Variants in CACNA2D3 observed in about 807,000 individuals in gnomAD.
The protein encoded by CACNA2D3 is voltage-dependent calcium channel subunit alpha-2/delta-3.
A neutral mutation model predicts 160.6 loss-of-function variants in CACNA2D3; 60 were observed. The ratio of observed to expected loss-of-function variants is 0.37; its 90% confidence interval spans 0.30 to 0.46. The LOEUF is 0.46. CACNA2D3 is among the 20% of genes least tolerant of loss of function. The probability of loss-of-function intolerance (pLI) is 1.00; values close to 1 mark genes in which losing one functional copy is unlikely to be tolerated. For synonymous variants in CACNA2D3, 558 were observed against 492.9 expected, an observed-to-expected ratio of 1.13 and a Z score of -1.75; for missense variants, 1,205 against 1,365.0, an observed-to-expected ratio of 0.88 and a Z score of 1.85.
At chr3:54,393,945 A>C (rs962856970) in intron 4 of CACNA2D3, among the ~76,000 whole-genome samples, 3 of 152,168 alleles carry the variant, frequency 2.0e-5, no homozygotes, top group African/African-American at 7.2e-5. Context: ...AGCAGCAGCT[A>C]GGCTTTGCCA....
intron 17 of CACNA2D3, among the ~76,000 whole-genome samples, chr3:54,867,556 G>C (rs1482747553): frequency 6.8e-6 from 1 of 147,018 alleles, no homozygotes; most frequent in Non-Finnish European, 1.5e-5. Flanking sequence ...CTTTAAAAGG[G>C]AAGGGGGATA....
intron 2 of CACNA2D3, among the ~76,000 whole-genome samples, chr3:54,149,674 G>A (rs916257385): frequency 3.9e-5 from 6 of 152,090 alleles, no homozygotes; most frequent in Admixed American, 2.0e-4. Flanking sequence ...AGCCAAACAA[G>A]GAACACATGA....
At chr3:54,632,500 A>T (rs1699263068) in intron 10 of CACNA2D3, 1 of 152,214 alleles carries the variant, frequency 6.6e-6, no homozygotes, top group African/African-American at 2.4e-5. Flanking sequence ...TCTCCAGAAC[A>T]ACCTGTTGAG....
intron 4 of CACNA2D3, among the ~76,000 whole-genome samples, chr3:54,389,823 A>G (rs1025569785): frequency 2.6e-5 from 4 of 152,232 alleles, no homozygotes; most frequent in East Asian, 1.9e-4. Flanking sequence ...ACACATGACT[A>G]CTACATGCAA....
intron 2 of CACNA2D3, among the ~76,000 whole-genome samples, chr3:54,312,844 G>T (rs1352789904): frequency 6.6e-6 from 1 of 152,144 alleles, no homozygotes; most frequent in Non-Finnish European, 1.5e-5. Context: ...GTTCTGCCTA[G>T]ACCCCAGTCC....
At chr3:54,664,563 A>G (rs1700029796) in intron 11 of CACNA2D3, among the ~76,000 whole-genome samples, 1 of 152,196 alleles carries the variant, frequency 6.6e-6, no homozygotes, top group African/African-American at 2.4e-5. Context: ...TTTATTTTAT[A>G]AGTTAACTGC....
At position 54,209,912 on chromosome 3, in the gene CACNA2D3, G is replaced by T. The variant is rs1161873388; in HGVS notation, c.204+86318G>T. ...CGGAATCCCTTTAGAGATGAATGTT[G>T]CATGTGTATCTCTTTTAGTTTATGG... On this transcript the variant is annotated intron_variant, in intron 2 of 37. Transcript: ENST00000474759. Among the ~76,000 whole-genome samples the T allele has an allele frequency of 5.9e-5, 9 of 152,326 alleles. No homozygotes were observed. The East Asian group carries it at 1.7e-3, about 29-fold the overall frequency.
intron 4 of CACNA2D3, among the ~76,000 whole-genome samples, chr3:54,420,033 TG>T (rs1275022594): frequency 1.1e-4 from 17 of 152,280 alleles, no homozygotes; most frequent in Admixed American, 7.8e-4. Context: ...CCCAAAGTGC[TG>T]GGATTACAGG....
At chr3:54,995,513 T>C (rs1385463011) in intron 31 of CACNA2D3, among the ~76,000 whole-genome samples, 1 of 152,226 alleles carries the variant, frequency 6.6e-6, no homozygotes, top group East Asian at 1.9e-4. Context: ...GGTTACCTCA[T>C]GATTCAATGT....
rs542017750 is a variant in CACNA2D3, at chr3:54,629,151, T to C, written c.1053+1275T>C. Among the ~76,000 whole-genome samples, 16 of 152,078 alleles carry C rather than the reference T, an allele frequency of 1.1e-4. No homozygotes were observed. In the East Asian group the frequency reaches 2.9e-3, roughly 28 times the overall value. On this transcript the variant is annotated intron_variant, in intron 10 of 37. Coordinates refer to ENST00000474759, the MANE Select transcript of CACNA2D3 (RefSeq NM_018398.3). ...GGCACTAAATGGAGCAACATCATCT[T>C]GAGGTGTCAAGCAGGAGCTGGGAGA...
At chr3:54,940,348 G>C (rs1462214323) in intron 27 of CACNA2D3, among the ~76,000 whole-genome samples, 1 of 152,198 alleles carries the variant, frequency 6.6e-6, no homozygotes, top group African/African-American at 2.4e-5. Context: ...CTTCCCTGTA[G>C]TATAGTATAC....
At chr3:54,577,989 G>C in intron 8 of CACNA2D3, among the ~76,000 whole-genome samples, 1 of 152,218 alleles carries the variant, frequency 6.6e-6, no homozygotes, top group East Asian at 1.9e-4. Context: ...GGTGAAAGCT[G>C]TTTGTCCATT....
intron 35 of CACNA2D3, among the ~76,000 whole-genome samples, chr3:55,034,677 A>G (rs1167909769): frequency 1.3e-5 from 2 of 152,046 alleles, no homozygotes; most frequent in Non-Finnish European, 2.9e-5. Flanking sequence ...ATACTATTTT[A>G]TAACATGCCT....
intron 13 of CACNA2D3, among the ~76,000 whole-genome samples, chr3:54,813,367 G>A (rs1703373928): frequency 6.6e-6 from 1 of 152,172 alleles, no homozygotes; most frequent in Non-Finnish European, 1.5e-5. Flanking sequence ...GACCTCATCT[G>A]GAGCCTCATG....
intron 9 of CACNA2D3, among the ~76,000 whole-genome samples, chr3:54,595,313 GGTGTGTGTGT>G (rs71637562): frequency 3.8e-5 from 5 of 132,204 alleles, no homozygotes; most frequent in Non-Finnish European, 7.8e-5. Flanking sequence ...CTGTGTGTGT[GGTGTGTGTGT>G]GTGTGTGTGT....
At chr3:54,124,776 T>A (rs1459604256) in intron 2 of CACNA2D3, among the ~76,000 whole-genome samples, 1 of 152,244 alleles carries the variant, frequency 6.6e-6, no homozygotes, top group Non-Finnish European at 1.5e-5. Flanking sequence ...GAAACCTTAT[T>A]CATTGAAAGA....
At chr3:54,948,529 G>A (rs1307644337) in intron 27 of CACNA2D3, among the ~76,000 whole-genome samples, 2 of 151,300 alleles carry the variant, frequency 1.3e-5, no homozygotes, top group Non-Finnish European at 2.9e-5. Context: ...GTTTCACCAT[G>A]AGCACCTCTG....
chr3:54,686,574 GCTATGTTT>G (rs1263484984), intron 11 of CACNA2D3, among the ~76,000 whole-genome samples: 2 of 152,286 alleles, frequency 1.3e-5, no homozygotes, highest in East Asian at 1.9e-4. Context: ...TTAGTACATG[GCTATGTTT>G]CCCAAACTGT....
intron 2 of CACNA2D3, among the ~76,000 whole-genome samples, chr3:54,224,487 G>A (rs1484341387): frequency 1.3e-5 from 2 of 152,086 alleles, no homozygotes; most frequent in South Asian, 2.1e-4. Flanking sequence ...GTAACGCATC[G>A]CACTACAATG....
Sources: gnomAD v4.1 joint callset for allele counts (sites outside exome capture counted in the v4.1 genomes callset) on GRCh38, gnomAD v4.1.1 for gene constraint, MANE v1.5 for transcripts, NCBI Gene and HGNC (gene_info 2026-07-23, HGNC 2026-07-21) for gene names.